Variants in SYNJ1 observed in about 807,000 individuals in gnomAD.
SYNJ1 encodes the protein polyphosphatidylinositol phosphatase SYNJ1.
In SYNJ1, 78 loss-of-function variants were observed where a neutral mutation model predicts 168.2. That is an observed-to-expected ratio of 0.46 (90% confidence interval 0.39 to 0.56). The LOEUF (loss-of-function observed/expected upper bound fraction) is 0.56. Among genes scored for constraint, SYNJ1 ranks in the 20% least tolerant of loss-of-function variants. The pLI is 0.00. For missense variants in SYNJ1, 1,303 were observed against 1,597.6 expected (o/e 0.82, Z 3.14); for synonymous variants, 539 against 548.6 (o/e 0.98, Z 0.24).
At chr21:32,701,777 T>A (rs930762457) in intron 3 of SYNJ1, among the ~76,000 whole-genome samples, 184 bp downstream of exon 3, 6 of 152,170 alleles carry the variant, frequency 3.9e-5, no homozygotes, top group Non-Finnish European at 8.8e-5. Flanking sequence ...TTTGAGCATG[T>A]AGCACGCCTT....
At chr21:32,658,719 C>T (rs1011192943) in intron 18 of SYNJ1, among the ~76,000 whole-genome samples, 12 of 152,132 alleles carry the variant, frequency 7.9e-5, no homozygotes, top group East Asian at 3.9e-4. Context: ...TGCCCAAAAG[C>T]GCTCACCCCA....
chr21:32,639,675 C>T lies in SYNJ1; in HGVS notation c.3693G>A (p.Ser1231=), dbSNP rs755437097. The T allele has an allele frequency of 6.2e-6, 10 of 1,613,610 alleles. No individual in the cohort carries two copies. In the Admixed American group the frequency reaches 6.7e-5, roughly 11 times the overall value. ...AGCCTCCCAAAGAGGACCTACCTTT[C>T]GACGTTTCTGATGTTTTGCTTTGGC... The part of the protein sequence containing the change: ...PESQSKTSET[S]KGSTFLPEPL... Residue 1231 remains serine (S), a synonymous_variant, in exon 30 of 33, where the codon TCG becomes TCA. Coordinates refer to ENST00000674351, the MANE Select transcript of SYNJ1 (RefSeq NM_203446.3).
At chr21:32,713,187 CATGG>C (rs1247771824) in intron 2 of SYNJ1, among the ~76,000 whole-genome samples, 1 of 150,760 alleles carries the variant, frequency 6.6e-6, no homozygotes, top group Non-Finnish European at 1.5e-5. Flanking sequence ...CATATATCAA[CATGG>C]ATGATTTCCC....
At chr21:32,645,825 T>TA (rs1231935036) in intron 24 of SYNJ1, 36 bp from the exon 25 acceptor site, 2 of 1,512,900 alleles carry the variant, frequency 1.3e-6, no homozygotes, top group African/African-American at 2.8e-5. Context: ...GATCAGCTTC[T>TA]AAGTAGCTGT....
chr21:32,644,878 T>G (rs1330723890), intron 26 of SYNJ1, 90 bp downstream of exon 26: 4 of 1,390,742 alleles, frequency 2.9e-6, no homozygotes, highest in Non-Finnish European at 4.0e-6. Flanking sequence ...TCATTCATTT[T>G]GACTTTTATC....
chr21:32,684,917 C>T (rs533372264), intron 9 of SYNJ1, among the ~76,000 whole-genome samples: 1 of 152,216 alleles, frequency 6.6e-6, no homozygotes, highest in Admixed American at 6.5e-5. Context: ...CGGTGGCTCA[C>T]GCCTGTAATC....
chr21:32,636,168 G>A (rs1829963870), intron 31 of SYNJ1, among the ~76,000 whole-genome samples: 1 of 152,116 alleles, frequency 6.6e-6, no homozygotes, highest in Non-Finnish European at 1.5e-5. Flanking sequence ...AGAATGCTGT[G>A]ATTTTTCTAC....
At chr21:32,668,890 T>C (rs1225892341) in intron 15 of SYNJ1, among the ~76,000 whole-genome samples, 2 of 152,132 alleles carry the variant, frequency 1.3e-5, no homozygotes, top group East Asian at 1.9e-4. Flanking sequence ...GCACTGATGG[T>C]GCAAAAGCAA....
chr21:32,662,839 C>A (rs1453745174), intron 18 of SYNJ1, among the ~76,000 whole-genome samples: 1 of 152,126 alleles, frequency 6.6e-6, no homozygotes, highest in Admixed American at 6.5e-5. Context: ...TACTAAGGGA[C>A]AATGTAACCC....
intron 11 of SYNJ1, among the ~76,000 whole-genome samples, chr21:32,680,040 A>G (rs1252699144): frequency 6.6e-6 from 1 of 152,170 alleles, no homozygotes; most frequent in Admixed American, 6.5e-5. Flanking sequence ...ATAAAAGAAT[A>G]TTTTAAGCAA....
In SYNJ1 at chr21:32,703,963, C is replaced by T. The variant is rs539513934; in HGVS notation, c.125-1916G>A. ...TGGAAACTCTCGGGCTCAAGCAATC[C>T]TCCTGTCTGAGCCTCTCGAAGTGCT... On this transcript the variant is annotated intron_variant, in intron 2 of 32. Coordinates refer to ENST00000674351, the MANE Select transcript of SYNJ1 (RefSeq NM_203446.3). Among the ~76,000 whole-genome samples, 493 of 152,184 alleles carry T rather than the reference C, an allele frequency of 3.2e-3. 3 individuals carry two copies. Among genetic ancestry groups the T allele is most frequent in the Middle Eastern group, 0.017 (5 of 294 alleles).
intron 4 of SYNJ1, 68 bp from the exon 5 acceptor site, chr21:32,695,350 A>T (rs2042164419): frequency 2.9e-6 from 4 of 1,374,734 alleles, no homozygotes; most frequent in Non-Finnish European, 4.0e-6. Context: ...TTTTAAAATA[A>T]TCTCCTGGAA....
At chr21:32,665,537 C>T (rs1261619208) in intron 17 of SYNJ1, among the ~76,000 whole-genome samples, 1 of 152,212 alleles carries the variant, frequency 6.6e-6, no homozygotes, top group African/African-American at 2.4e-5. Flanking sequence ...TAAAAGAATG[C>T]AACCTTTTGC....
Position 32,726,717 on chromosome 21 carries a change from T to C in SYNJ1, c.124+55A>G, listed in dbSNP as rs1313165974. ...TTTCTAAAAAATGGTTGCATCTGAA[T>C]TGTTTCAAATCAAAACAGAGACCAT... On this transcript the variant is annotated intron_variant, in intron 2 of 32. Transcript: ENST00000674351. 16 of 1,598,528 alleles carry C rather than the reference T, an allele frequency of 1.0e-5. No homozygotes were observed. In the Admixed American group the frequency reaches 2.8e-4, roughly 28 times the overall value.
intron 29 of SYNJ1, among the ~76,000 whole-genome samples, chr21:32,640,518 A>T (rs535890290): frequency 6.6e-6 from 1 of 152,126 alleles, no homozygotes; most frequent in African/African-American, 2.4e-5. Context: ...GATGGTCTCG[A>T]TCTCCTGACA....
upstream of SYNJ1, chr21:32,728,095 T>C (rs1296022690): frequency 9.3e-6 from 14 of 1,506,966 alleles, no homozygotes; most frequent in Admixed American, 2.0e-5. Context: ...GGGCGGGGCA[T>C]CAGGAGGGAG....
intron 2 of SYNJ1, among the ~76,000 whole-genome samples, chr21:32,703,311 G>A (rs1479061564): frequency 1.3e-5 from 2 of 152,146 alleles, no homozygotes; most frequent in African/African-American, 2.4e-5. Flanking sequence ...TTAAAGTGAT[G>A]GGGATTTATA....
At chr21:32,662,236 A>G (rs1360285982) in intron 18 of SYNJ1, among the ~76,000 whole-genome samples, 1 of 152,178 alleles carries the variant, frequency 6.6e-6, no homozygotes, top group Non-Finnish European at 1.5e-5. Context: ...AGGCATGAGG[A>G]GAATCATCGT....
chr21:32,674,882 G>A (rs1379301409), intron 13 of SYNJ1, among the ~76,000 whole-genome samples: 1 of 152,186 alleles, frequency 6.6e-6, no homozygotes, highest in Non-Finnish European at 1.5e-5. Context: ...GGCGAGTGAT[G>A]TCTTAGTATT....
Sources: allele counts gnomAD v4.1 joint callset (sites outside exome capture counted in the v4.1 genomes callset), GRCh38; gene constraint gnomAD v4.1.1; transcripts MANE v1.5; gene names NCBI Gene and HGNC (gene_info 2026-07-23, HGNC 2026-07-21).